OTOGL: variants seen among roughly 807,000 people sequenced by gnomAD.
OTOGL encodes the protein otogelin like.
A neutral mutation model predicts 318.5 loss-of-function variants in OTOGL; 285 were observed. That is an observed-to-expected ratio of 0.89 (90% CI 0.81 to 0.99). The LOEUF is 0.99. OTOGL is among the 50% of genes least tolerant of loss of function. The pLI is 0.00. For missense variants in OTOGL, 2,899 were observed against 2,845.6 expected (o/e 1.02, Z -0.43); for synonymous variants, 987 against 936.5 (o/e 1.05, Z -0.99).
At position 80,349,550 on chromosome 12, in the gene OTOGL, G is replaced by A. The variant is rs546942174; in HGVS notation, c.5266-2745G>A. Among the ~76,000 whole-genome samples, 150 of 152,168 alleles carry A rather than the reference G, an allele frequency of 9.9e-4. 3 individuals carry two copies. The South Asian group carries it at 0.015, about 15-fold the overall frequency. ...AGTAGATAGAAAGGCAATGGAGCGC[G>A]GTACCTTTGAAGTTCAAGGAGAGAA... is the stretch of plus-strand genomic sequence containing the variant. On this transcript the variant is annotated intron_variant, in intron 44 of 58. Transcript: ENST00000547103.
chr12:80,267,750 CAT>C (rs1008521689), intron 22 of OTOGL, among the ~76,000 whole-genome samples: 1 of 151,712 alleles, frequency 6.6e-6, no homozygotes, highest in Admixed American at 6.6e-5. Context: ...ATATTATAAT[CAT>C]GTGATTGTAT....
chr12:80,263,938 T>C (rs1882747799), intron 19 of OTOGL, among the ~76,000 whole-genome samples: 1 of 152,114 alleles, frequency 6.6e-6, no homozygotes, highest in Non-Finnish European at 1.5e-5. Context: ...AGTATACTGC[T>C]ATAGTTTAAG....
At chr12:80,236,587 TG>T (rs1446603318) in intron 9 of OTOGL, among the ~76,000 whole-genome samples, 1 of 152,188 alleles carries the variant, frequency 6.6e-6, no homozygotes, top group Non-Finnish European at 1.5e-5. Context: ...AAAATGTTTT[TG>T]TTTCTTTAGA....
At chr12:80,108,803 A>G (rs11114321) in intron 1 of OTOGL, among the ~76,000 whole-genome samples, 435 of 37,036 alleles carry the variant, frequency 0.012, 5 homozygotes, top group Non-Finnish European at 0.021. Flanking sequence ...ATATATATGT[A>G]TATATATATG....
At chr12:80,128,161 C>T (rs1374392569) in intron 1 of OTOGL, among the ~76,000 whole-genome samples, 1 of 152,158 alleles carries the variant, frequency 6.6e-6, no homozygotes, top group Non-Finnish European at 1.5e-5. Context: ...TTTTCCCCAT[C>T]TTTGTGGTTT....
intron 38 of OTOGL, among the ~76,000 whole-genome samples, chr12:80,333,911 G>A (rs1160302820): frequency 6.6e-6 from 1 of 152,072 alleles, no homozygotes; most frequent in Admixed American, 6.6e-5. Flanking sequence ...GAATGACAAG[G>A]AGACCTGTAA....
At chr12:80,266,322 T>C in intron 20 of OTOGL, 129 bp from the exon 21 acceptor site, 3 of 961,162 alleles carry the variant, frequency 3.1e-6, no homozygotes, top group Non-Finnish European at 4.5e-6. Flanking sequence ...AGCATCCAAG[T>C]TAAGGGTCTC....
At chr12:80,263,084 T>G (rs1882678224) in intron 19 of OTOGL, among the ~76,000 whole-genome samples, 1 of 152,274 alleles carries the variant, frequency 6.6e-6, no homozygotes, top group Admixed American at 6.5e-5. Context: ...GCTTTCTGTC[T>G]TTTTTAAATC....
chr12:80,108,918 G>A (rs1347411663), intron 1 of OTOGL, among the ~76,000 whole-genome samples: 1 of 117,406 alleles, frequency 8.5e-6, no homozygotes, highest in Non-Finnish European at 1.7e-5. Flanking sequence ...ATATATATGT[G>A]TATATATATA....
rs79397450 is a variant in OTOGL, at chr12:80,322,980, C to G, written c.4082-743C>G. On this transcript the variant is annotated intron_variant, in intron 34 of 58. Transcript: ENST00000547103. The stretch of plus-strand genomic sequence containing the variant: ...CTCATTTATAAATTAGAAATAATAT[C>G]TACTTAATAGGGTTGTTGCAGGATA... Among the ~76,000 whole-genome samples, 737 of 152,062 alleles carry G rather than the reference C, an allele frequency of 4.8e-3. 5 individuals carry two copies. Among genetic ancestry groups the G allele is most frequent in the African/African-American group, 0.016 (672 of 41,444 alleles).
chr12:80,289,550 G>A (rs1884884134), intron 26 of OTOGL, among the ~76,000 whole-genome samples: 2 of 152,190 alleles, frequency 1.3e-5, no homozygotes, highest in African/African-American at 4.8e-5. Context: ...TTGTCTATAA[G>A]CCCCTGACTG....
intron 11 of OTOGL, among the ~76,000 whole-genome samples, chr12:80,249,489 T>C (rs1881273219): frequency 6.6e-6 from 1 of 151,142 alleles, no homozygotes; most frequent in African/African-American, 2.4e-5. Flanking sequence ...GGGTCAGGGG[T>C]CAGGGACCCA....
intron 44 of OTOGL, among the ~76,000 whole-genome samples, chr12:80,343,151 G>A (rs1212720572): frequency 6.6e-6 from 1 of 152,118 alleles, no homozygotes. Context: ...GGGATTACAG[G>A]AGTGAGCCAC....
chr12:80,353,028 CTT>C (rs1428239789), intron 45 of OTOGL, among the ~76,000 whole-genome samples: 2 of 152,140 alleles, frequency 1.3e-5, no homozygotes, highest in African/African-American at 4.8e-5. Flanking sequence ...GCCAACCAGA[CTT>C]GGGCTGCCTG....
chr12:80,335,987 G>T lies in OTOGL; in HGVS notation c.4447G>T (p.Asp1483Tyr). ...GCCTCAGAAATTTGATCCTGTTTAT[G>T]ATTGTAGCCAATACATATGCCTTAA... Reference protein sequence around the residue: ...CEPQKFDPVYDCSQYICLNME... With the variant: ...CEPQKFDPVYYCSQYICLNME... Residue 1483 changes from aspartate (D) to tyrosine (Y), a missense_variant, in exon 39 of 59, where the codon GAT becomes TAT. Physicochemically the swap from Asp to Tyr is radical, Grantham distance 160. Transcript: ENST00000547103. 6.3e-7 allele frequency: 1 copy of T among 1,584,506 alleles called. No homozygotes were observed. Among genetic ancestry groups the T allele is most frequent in the Non-Finnish European group, 8.5e-7 (1 of 1,173,294 alleles).
chr12:80,372,065 G>GT lies in OTOGL; in HGVS notation c.6781+2dup. On this transcript the variant is annotated splice_donor_variant, in intron 57 of 58. Coordinates refer to ENST00000547103, the MANE Select transcript of OTOGL (RefSeq NM_001378609.3). LOFTEE classifies it high-confidence loss of function. ...TATAATGAAGGCTGTTGCAAGATCT[G>GT]TAAGTGAGAGCATATTCCATGCATT... The GT allele has an allele frequency of 1.3e-6, 2 of 1,544,524 alleles. No individual in the cohort carries two copies.
At position 80,291,194 on chromosome 12, in the gene OTOGL, C is replaced by A. The variant is rs146403905; in HGVS notation, c.2929-5633C>A. ...ATAATATCAACTAATAAATAATGGACAAGGCCAGAAACTAATAAAAGACGT... is the reference window on the plus strand; with the variant it reads ...ATAATATCAACTAATAAATAATGGAAAAGGCCAGAAACTAATAAAAGACGT... On this transcript the variant is annotated intron_variant, in intron 26 of 58. Transcript: ENST00000547103. Among the ~76,000 whole-genome samples, 1,192 of 152,208 alleles carry A rather than the reference C, an allele frequency of 7.8e-3. 8 individuals carry two copies. The highest frequency in any genetic ancestry group is 0.027 in the Middle Eastern group (8 of 294).
Position 80,264,994 on chromosome 12 carries a change from T to C in OTOGL, c.2015-7T>C. On this transcript the variant is annotated splice_polypyrimidine_tract_variant and splice_region_variant and intron_variant, in intron 19 of 58. Coordinates refer to ENST00000547103, the MANE Select transcript of OTOGL (RefSeq NM_001378609.3). ...TTAAATAAGATGCTAATTGGGCTCTTTGTTAGTTGGGTATGCAGCACACTG... is the reference window on the plus strand; with the variant it reads ...TTAAATAAGATGCTAATTGGGCTCTCTGTTAGTTGGGTATGCAGCACACTG... The C allele has an allele frequency of 6.2e-7, 1 of 1,613,590 alleles. No individual in the cohort carries two copies. Among genetic ancestry groups the C allele is most frequent in the African/African-American group, 1.3e-5 (1 of 75,058 alleles).
intron 13 of OTOGL, among the ~76,000 whole-genome samples, chr12:80,252,622 A>G (rs1340403079): frequency 6.6e-6 from 1 of 152,204 alleles, no homozygotes; most frequent in Non-Finnish European, 1.5e-5. Flanking sequence ...TAGGATTTAA[A>G]ATTAGGAATG....
Sources: allele counts gnomAD v4.1 joint callset (sites outside exome capture counted in the v4.1 genomes callset), GRCh38; gene constraint gnomAD v4.1.1; transcripts MANE v1.5; gene names NCBI Gene and HGNC (gene_info 2026-07-23, HGNC 2026-07-21).